Variants in PLXND1 observed in about 807,000 individuals in gnomAD.
PLXND1 encodes plexin D1, also known as plexin-D1.
PLXND1 carries 54 observed loss-of-function variants against 197.7 expected under a neutral mutation model. The observed-to-expected ratio is 0.27, with a 90% CI of 0.22 to 0.34. The LOEUF is 0.34. Among genes scored for constraint, PLXND1 ranks in the 10% least tolerant of loss-of-function variants. The probability of loss-of-function intolerance (pLI) is 1.00; values close to 1 mark genes in which losing one functional copy is unlikely to be tolerated. For synonymous variants in PLXND1, 1,180 were observed against 1,161.2 expected (o/e 1.02, Z -0.33); for missense variants, 2,127 against 2,699.2 (o/e 0.79, Z 4.70).
intron 34 of PLXND1, 113 bp downstream of exon 34, chr3:129,556,969 GA>G: frequency 8.4e-7 from 1 of 1,195,606 alleles, no homozygotes; most frequent in Non-Finnish European, 1.2e-6. Flanking sequence ...AGCCACTTCT[GA>G]AATGCCCTCT....
intron 29 of PLXND1, chr3:129,561,175 C>T (rs2085053852): frequency 2.2e-6 from 1 of 463,810 alleles, no homozygotes; most frequent in Non-Finnish European, 4.3e-6. Flanking sequence ...AGAGCTCCTG[C>T]CAGCCCAGAT....
chr3:129,579,060 G>C (rs1386388659), intron 8 of PLXND1, among the ~76,000 whole-genome samples: 1 of 152,180 alleles, frequency 6.6e-6, no homozygotes, highest in Non-Finnish European at 1.5e-5. Flanking sequence ...TCCCAGGAAG[G>C]GCCCCGGGCT....
Position 129,571,588 on chromosome 3 carries a change from G to T in PLXND1, c.3257C>A (p.Thr1086Asn). ...PRRSPVSGGR[T>N]ITVAGERFHM... ...GAAACGCTCACCAGCCACTGTGATGGTCCTGCCGCCACTGCGGGGGACAGC... is the reference window on the plus strand; with the variant it reads ...GAAACGCTCACCAGCCACTGTGATGTTCCTGCCGCCACTGCGGGGGACAGC... Residue 1086 changes from threonine (T) to asparagine (N), a missense_variant, in exon 17 of 36, where the codon ACC becomes AAC. Coordinates refer to ENST00000324093, the MANE Select transcript of PLXND1 (RefSeq NM_015103.3). 2 of 1,613,856 alleles carry T rather than the reference G, an allele frequency of 1.2e-6. No individual in the cohort carries two copies. Among genetic ancestry groups the T allele is most frequent in the Admixed American group, 1.7e-5 (1 of 60,032 alleles).
At position 129,573,598 on chromosome 3, in the gene PLXND1, C is replaced by T. The variant is rs1161680386; in HGVS notation, c.2833G>A (p.Glu945Lys). The change falls in exon 13 of 36, where the codon GAG becomes AAG. Residue 945 changes from glutamate (E) to lysine (K), a missense_variant. This residue lies in a region of PLXND1 where 1,095 missense variants were observed against 1,259.8 expected (regional missense o/e 0.87). Transcript: ENST00000324093. Reference protein sequence around the residue: ...EPLPDRYTVSEEIVCVTGPAP... With the variant: ...EPLPDRYTVSKEIVCVTGPAP... The stretch of plus-strand genomic sequence containing the variant: ...GGGGGCACCGTGGCTACTCACTCCT[C>T]CGACACCGTGTATCTGTCAGGCAGT... 1 of 1,612,878 alleles carries T rather than the reference C, an allele frequency of 6.2e-7. No homozygotes were observed. The highest frequency in any genetic ancestry group is 8.5e-7 in the Non-Finnish European group (1 of 1,179,688).
intron 2 of PLXND1, among the ~76,000 whole-genome samples, chr3:129,587,498 T>C (rs7630689): frequency 0.011 from 1,699 of 152,248 alleles, 37 homozygotes; most frequent in African/African-American, 0.038. Context: ...CTCTGCTCTT[T>C]TTTGCCTGGC....
At chr3:129,563,266 C>T in intron 25 of PLXND1, 26 bp from the exon 26 acceptor site, 1 of 1,585,398 alleles carries the variant, frequency 6.3e-7, no homozygotes, top group Non-Finnish European at 8.6e-7. Flanking sequence ...GTATCAGGGC[C>T]AAGGCCCCCT....
chr3:129,584,483 C>T lies in PLXND1; in HGVS notation c.1931G>A (p.Arg644His), dbSNP rs139388919. The change falls in exon 6 of 36, where the codon CGC becomes CAC. Residue 644 changes from arginine to histidine, a missense_variant. By Grantham distance (29) the Arg-to-His change is conservative. This residue lies in a region of PLXND1 where 1,095 missense variants were observed against 1,259.8 expected (regional missense o/e 0.87). Transcript: ENST00000324093. ...AGGGCCTGGGACCCGAGCCACAGTGCGGATGTTGTTCCCATAGTCACAGGC... is the reference window on the plus strand; with the variant it reads ...AGGGCCTGGGACCCGAGCCACAGTGTGGATGTTGTTCCCATAGTCACAGGC... Reference protein sequence around the residue: ...EMACDYGNNIRTVARVPGPAF... With the variant: ...EMACDYGNNIHTVARVPGPAF... 2.2e-4 allele frequency: 351 copies of T among 1,614,000 alleles called. No individual in the cohort carries two copies. In the African/African-American group the frequency reaches 3.1e-3, roughly 14 times the overall value.
chr3:129,587,122 C>T (rs151257610), intron 2 of PLXND1, among the ~76,000 whole-genome samples: 1 of 152,290 alleles, frequency 6.6e-6, no homozygotes, highest in African/African-American at 2.4e-5. Flanking sequence ...GTTTCCTGAG[C>T]TAATGGGGCA....
intron 1 of PLXND1, among the ~76,000 whole-genome samples, chr3:129,595,866 A>G (rs2085612545): frequency 6.6e-6 from 1 of 151,864 alleles, no homozygotes; most frequent in South Asian, 2.1e-4. Context: ...TTAAGGACCT[A>G]CTGTGTGACA....
intron 1 of PLXND1, 58 bp downstream of exon 1, chr3:129,605,271 C>A: frequency 1.8e-6 from 1 of 545,720 alleles, no homozygotes; most frequent in East Asian, 4.1e-5. Flanking sequence ...TCCCGCCCGC[C>A]CCCGCCCCCG....
At chr3:129,575,340 G>C in intron 11 of PLXND1, 129 bp downstream of exon 11, 1 of 648,640 alleles carries the variant, frequency 1.5e-6, no homozygotes. Flanking sequence ...GAGGCTGTGT[G>C]TGTGCTGGAG....
chr3:129,558,984 C>A lies in PLXND1; in HGVS notation c.5298-409G>T, dbSNP rs770664778. Among the ~76,000 whole-genome samples, 2 of 152,124 alleles carry A rather than the reference C, an allele frequency of 1.3e-5. No homozygotes were observed. The highest frequency in any genetic ancestry group is 2.9e-5 in the Non-Finnish European group (2 of 68,004). On this transcript the variant is annotated intron_variant, in intron 32 of 35. Transcript: ENST00000324093. The surrounding 1 kb of genome is among the most constrained non-coding windows in gnomAD (Gnocchi z 4.1). ...CAGGGCCTGGAGCTCTGGCCTTGTC[C>A]TCAAGAGGCCAGAGAGGGTGAGCAA...
At position 129,606,388 on chromosome 3, in the gene PLXND1, G is replaced by T. The variant is rs775678880; in HGVS notation, c.252C>A (p.Gly84=). 1 of 1,512,272 alleles carries T rather than the reference G, an allele frequency of 6.6e-7. No homozygotes were observed. The allele number at this position is 1,512,272 out of a possible 1,614,324, so 93.7% of individuals were successfully genotyped here. A position where few individuals can be genotyped will look rare whatever the true frequency, so the allele number is the denominator to read the frequency against. Residue 84 remains glycine (G), a synonymous_variant, in exon 1 of 36, where the codon GGC becomes GGA. Transcript: ENST00000324093. ...CCTCGGCCTCCAGGCTCAGGTTGGC[G>T]CCCGACAGCTGATAGAGGCGGTTGA... ...AAVNRLYQLS[G]ANLSLEAEAA...
At chr3:129,583,132 G>A (rs946261137) in intron 8 of PLXND1, among the ~76,000 whole-genome samples, 5 of 152,174 alleles carry the variant, frequency 3.3e-5, no homozygotes, top group African/African-American at 7.2e-5. Context: ...TGCCTGAGTC[G>A]ATGACCTTAA....
rs1422288195 is a variant in PLXND1, at chr3:129,585,941, C to T, written c.1851+11G>A. On this transcript the variant is annotated intron_variant, in intron 5 of 35. Coordinates refer to ENST00000324093, the MANE Select transcript of PLXND1 (RefSeq NM_015103.3). The stretch of plus-strand genomic sequence containing the variant: ...TGTCCCGAGCTGGGTCTTGCCTCCC[C>T]CAGGACTCACTGGGTACTCCTGGCG... The T allele has an allele frequency of 6.2e-7, 1 of 1,613,792 alleles. No individual in the cohort carries two copies. Among genetic ancestry groups the T allele is most frequent in the Non-Finnish European group, 8.5e-7 (1 of 1,180,000 alleles).
chr3:129,573,840 G>A (rs772612739), intron 12 of PLXND1, 95 bp from the exon 13 acceptor site: 63 of 1,362,484 alleles, frequency 4.6e-5, no homozygotes, highest in South Asian at 1.4e-4. Flanking sequence ...GGGCACAGCC[G>A]TGCAGACCCA....
In PLXND1 at chr3:129,573,558, C is replaced by T. The variant is rs200095260; in HGVS notation, c.2837+36G>A. On this transcript the variant is annotated intron_variant, in intron 13 of 35. Transcript: ENST00000324093. ...GAGGACAGAGCAGAGGCTGGCACTG[C>T]TGGAGAAGGTAGGTGGGGGCACCGT... The T allele has an allele frequency of 3.4e-3, 5,437 of 1,595,140 alleles. 28 individuals are homozygous for T. Among genetic ancestry groups the T allele is most frequent in the Non-Finnish European group, 3.0e-3 (3,530 of 1,167,952 alleles).
At chr3:129,585,527 T>G (rs1560075821) in intron 5 of PLXND1, among the ~76,000 whole-genome samples, 1 of 152,194 alleles carries the variant, frequency 6.6e-6, no homozygotes, top group African/African-American at 2.4e-5. Flanking sequence ...CTCCATCCCC[T>G]GTTCTGGGAA....
chr3:129,562,828 A>G lies in PLXND1; in HGVS notation c.4784T>C (p.Val1595Ala). Residue 1595 changes from valine (V) to alanine (A), a missense_variant, in exon 27 of 36, where the codon GTG becomes GCG. This residue lies in a region of PLXND1 where 532 missense variants were observed against 811.0 expected (regional missense o/e 0.66). Coordinates refer to ENST00000324093, the MANE Select transcript of PLXND1 (RefSeq NM_015103.3). ...EKILEAFCKN[V>A]PYSQWPRAED... Reference sequence around the variant, plus strand: ...TGCACGCGGCCACTGGGAGTAGGGCACATTCTTGCAGAAGGCCTCCAGGAT... The same window carrying G: ...TGCACGCGGCCACTGGGAGTAGGGCGCATTCTTGCAGAAGGCCTCCAGGAT... 1 of 1,611,304 alleles carries G rather than the reference A, an allele frequency of 6.2e-7. No homozygotes were observed. The highest frequency in any genetic ancestry group is 8.5e-7 in the Non-Finnish European group (1 of 1,177,680).
Sources: allele counts gnomAD v4.1 joint callset (sites outside exome capture counted in the v4.1 genomes callset), GRCh38; gene constraint gnomAD v4.1.1; regional missense constraint gnomAD v4.1.1; non-coding constraint Gnocchi (gnomAD v3.1); transcripts MANE v1.5; gene names NCBI Gene and HGNC (gene_info 2026-07-23, HGNC 2026-07-21).